The following DNAAF9 variants were observed in gnomAD, a reference collection of about 807,000 sequenced individuals.
DNAAF9 encodes dynein axonemal assembly factor 9.
DNAAF9 carries 90 observed loss-of-function variants against 167.0 expected under a neutral mutation model. The ratio of observed to expected loss-of-function variants is 0.54; its 90% CI spans 0.45 to 0.64. The LOEUF (loss-of-function observed/expected upper bound fraction) is 0.64, where lower values mean the gene tolerates loss of function less well. DNAAF9 is among the 30% of genes least tolerant of loss of function. DNAAF9 has a pLI of 0.00. For missense variants in DNAAF9, 1,315 were observed against 1,442.2 expected (o/e 0.91, Z 1.43); for synonymous variants, 491 against 508.8 (o/e 0.96, Z 0.47).
At chr20:3,354,051 T>C (rs550104830) in intron 7 of DNAAF9, among the ~76,000 whole-genome samples, 18 of 152,354 alleles carry the variant, frequency 1.2e-4, no homozygotes, top group Middle Eastern at 3.4e-3. Context: ...TTTATGTATA[T>C]TGTCCTTTTA....
At chr20:3,387,436 A>G (rs2083758987) in intron 1 of DNAAF9, among the ~76,000 whole-genome samples, 1 of 152,212 alleles carries the variant, frequency 6.6e-6, no homozygotes, top group Non-Finnish European at 1.5e-5. Context: ...TGGGAAAACT[A>G]GATATCTAAA....
intron 25 of DNAAF9, among the ~76,000 whole-genome samples, chr20:3,291,628 C>A (rs2068955954): frequency 6.6e-6 from 1 of 152,182 alleles, no homozygotes; most frequent in Non-Finnish European, 1.5e-5. Flanking sequence ...CAGGCGTGAG[C>A]CACCAGCCCA....
chr20:3,304,355 G>A, intron 21 of DNAAF9, 85 bp downstream of exon 21: 8 of 750,480 alleles, frequency 1.1e-5, no homozygotes, highest in Non-Finnish European at 1.5e-5. Flanking sequence ...TGGTAGTGGA[G>A]GGGAGAAAGG....
chr20:3,253,738 C>A lies in DNAAF9; in HGVS notation c.3409G>T (p.Asp1137Tyr). The A allele has an allele frequency of 6.2e-7, 1 of 1,605,792 alleles. No homozygotes were observed. The highest frequency in any genetic ancestry group is 1.1e-5 in the South Asian group (1 of 90,910). Residue 1137 changes from aspartate (D) to tyrosine (Y), a missense_variant, in exon 36 of 37, where the codon GAT (aspartate) becomes TAT (tyrosine). Asp to Tyr is a radical substitution (Grantham distance 160). This residue lies in a region of DNAAF9 where 334 missense variants were observed against 429.7 expected (regional missense o/e 0.78). Transcript: ENST00000252032. ...QFVNFFGDKT[D>Y]FHPLMDQFMN... Reference sequence around the variant, plus strand: ...GTTCCAAGGATACGTGGGTGAAAATCAGTTTTGTCACCAAAGAAGTTAACA... The same window carrying A: ...GTTCCAAGGATACGTGGGTGAAAATAAGTTTTGTCACCAAAGAAGTTAACA...
rs745829584 is a variant in DNAAF9, at chr20:3,348,511, C to G, written c.789+14G>C. On this transcript the variant is annotated intron_variant, in intron 8 of 36. Coordinates refer to ENST00000252032, the MANE Select transcript of DNAAF9 (RefSeq NM_001009984.3). ...ACCATTTTATTCTTCCTCTTTGACC[C>G]TTCCCTTACATACCTCACCCGCCTG... 11 of 1,424,490 alleles carry G rather than the reference C, an allele frequency of 7.7e-6. No homozygotes were observed. The highest frequency in any genetic ancestry group is 1.4e-5 in the African/African-American group (1 of 70,200). 88.2% of individuals were successfully genotyped at this position (1,424,490 alleles called of 1,614,324 possible). A position where few individuals can be genotyped will look rare whatever the true frequency, so the allele number is the denominator to read the frequency against.
At chr20:3,260,714 C>T (rs371752972) in intron 31 of DNAAF9, among the ~76,000 whole-genome samples, 1 of 151,184 alleles carries the variant, frequency 6.6e-6, no homozygotes, top group African/African-American at 2.4e-5. Context: ...CCTGCTATCT[C>T]CGCCTCCTGG....
chr20:3,284,531 A>ACCCAACTGT (rs2068818048), intron 27 of DNAAF9, among the ~76,000 whole-genome samples: 3 of 96,546 alleles, frequency 3.1e-5, no homozygotes, highest in African/African-American at 4.6e-5. Context: ...CTGTATGACG[A>ACCCAACTGT]AGGCAAAAAA....
Position 3,407,588 on chromosome 20 carries a change from G to C in DNAAF9, c.-31C>G, listed in dbSNP as rs550278486. On this transcript the variant is annotated 5_prime_UTR_variant, in exon 1 of 37. Coordinates refer to ENST00000252032, the MANE Select transcript of DNAAF9 (RefSeq NM_001009984.3). Reference sequence around the variant, plus strand: ...CGGACGACTGGCGGCGGAGGAGGACGGTGCAGCTGCGAGGGTCTCAGTTGC... The same window carrying C: ...CGGACGACTGGCGGCGGAGGAGGACCGTGCAGCTGCGAGGGTCTCAGTTGC... 3.3e-6 allele frequency: 4 copies of C among 1,219,828 alleles called. No individual in the cohort carries two copies. The highest frequency in any genetic ancestry group is 4.1e-6 in the Non-Finnish European group (4 of 980,056). The allele number at this position is 1,219,828 out of a possible 1,614,324, so 75.6% of individuals were successfully genotyped here.
intron 10 of DNAAF9, among the ~76,000 whole-genome samples, 171 bp from the exon 11 acceptor site, chr20:3,332,532 C>T (rs541724307): frequency 2.0e-5 from 3 of 151,608 alleles, no homozygotes; most frequent in African/African-American, 7.3e-5. Flanking sequence ...CAGATCATTG[C>T]AACCTCCACC....
At chr20:3,337,029 G>A (rs1490385901) in intron 10 of DNAAF9, among the ~76,000 whole-genome samples, 3 of 151,514 alleles carry the variant, frequency 2.0e-5, no homozygotes, top group African/African-American at 7.3e-5. Flanking sequence ...ACAGGAGCCT[G>A]CCACCACACC....
intron 6 of DNAAF9, among the ~76,000 whole-genome samples, chr20:3,361,161 A>C (rs555622622): frequency 2.5e-4 from 38 of 152,290 alleles, no homozygotes; most frequent in Admixed American, 5.2e-4. Flanking sequence ...GTGATGGTGC[A>C]AAAAGGATCT....
At chr20:3,358,429 G>A (rs925914794) in intron 7 of DNAAF9, among the ~76,000 whole-genome samples, 5 of 151,974 alleles carry the variant, frequency 3.3e-5, no homozygotes, top group Admixed American at 1.3e-4. Flanking sequence ...GATTACAGGC[G>A]CGTGCCATTG....
At chr20:3,300,361 A>G (rs1431634803) in intron 21 of DNAAF9, among the ~76,000 whole-genome samples, 2 of 151,800 alleles carry the variant, frequency 1.3e-5, no homozygotes, top group Non-Finnish European at 1.5e-5. Context: ...TTTCTGCAAT[A>G]TTTTTCAGTT....
chr20:3,258,476 T>C (rs2068321357), intron 33 of DNAAF9, among the ~76,000 whole-genome samples: 1 of 151,852 alleles, frequency 6.6e-6, no homozygotes, highest in Non-Finnish European at 1.5e-5. Context: ...ACCCCATGGG[T>C]GATGGGTCCA....
chr20:3,297,943 T>G, intron 22 of DNAAF9, 86 bp downstream of exon 22: 1 of 1,058,162 alleles, frequency 9.5e-7, no homozygotes, highest in South Asian at 1.4e-5. Flanking sequence ...CACTTCACTG[T>G]TAGCCCCAAA....
chr20:3,291,953 T>C (rs2068962943), intron 25 of DNAAF9, among the ~76,000 whole-genome samples: 1 of 152,038 alleles, frequency 6.6e-6, no homozygotes, highest in Admixed American at 6.6e-5. Flanking sequence ...TCGCAGCACA[T>C]GTACATACAG....
chr20:3,356,267 C>A (rs1466988588), intron 7 of DNAAF9, among the ~76,000 whole-genome samples: 10 of 152,210 alleles, frequency 6.6e-5, no homozygotes, highest in South Asian at 4.1e-4. Flanking sequence ...ATCCACCTGC[C>A]TCGGCCTCCC....
intron 6 of DNAAF9, among the ~76,000 whole-genome samples, chr20:3,372,772 G>A (rs1301742714): frequency 6.6e-6 from 1 of 151,668 alleles, no homozygotes; most frequent in Non-Finnish European, 1.5e-5. Context: ...TCTTGAACGG[G>A]GATGTACCTC....
At chr20:3,269,018 C>T (rs2068541833) in intron 30 of DNAAF9, among the ~76,000 whole-genome samples, 1 of 150,452 alleles carries the variant, frequency 6.6e-6, no homozygotes, top group South Asian at 2.1e-4. Context: ...GTTCTCCTCC[C>T]TCAGCCTCCC....
Sources: gnomAD v4.1 joint callset for allele counts (sites outside exome capture counted in the v4.1 genomes callset) on GRCh38, gnomAD v4.1.1 for gene constraint, gnomAD v4.1.1 regional missense constraint, MANE v1.5 for transcripts, NCBI Gene and HGNC (gene_info 2026-07-23, HGNC 2026-07-21) for gene names.